The following AHRR variants were observed in gnomAD, a reference collection of about 807,000 sequenced individuals.
The protein encoded by AHRR is aryl hydrocarbon receptor repressor.
In AHRR, 28 loss-of-function variants were observed where a neutral mutation model predicts 44.0. The observed-to-expected ratio is 0.64, with a 90% CI of 0.47 to 0.87. The LOEUF (loss-of-function observed/expected upper bound fraction) is 0.87, where lower values mean the gene tolerates loss of function less well. Ranked by LOEUF, AHRR falls within the 40% of genes least tolerant of loss-of-function variation. The pLI is 0.00. For synonymous variants in AHRR, 434 were observed against 407.0 expected, an observed-to-expected ratio of 1.07 and a Z score of -0.80; for missense variants, 990 against 953.9, an observed-to-expected ratio of 1.04 and a Z score of -0.50.
chr5:415,816 C>T (rs1198822434), intron 5 of AHRR, among the ~76,000 whole-genome samples: 1 of 152,170 alleles, frequency 6.6e-6, no homozygotes, highest in African/African-American at 2.4e-5. Flanking sequence ...TTCACGTCTG[C>T]GCAGGCCCTG....
At chr5:432,658 C>T in intron 9 of AHRR, 134 bp downstream of exon 9, 1 of 1,496,056 alleles carries the variant, frequency 6.7e-7, no homozygotes, top group Non-Finnish European at 9.3e-7. Context: ...TGGTGTCTGT[C>T]CTGCTGTGGA....
intron 4 of AHRR, among the ~76,000 whole-genome samples, chr5:401,007 C>T (rs1245111493): frequency 2.0e-5 from 3 of 152,236 alleles, no homozygotes; most frequent in Admixed American, 6.5e-5. Flanking sequence ...CACACCCCTC[C>T]AGCCCGTGTG....
intron 3 of AHRR, among the ~76,000 whole-genome samples, chr5:372,605 TGGGGTGCGTGATCTCCAGTGGCA>T (rs1161553898): frequency 5.3e-5 from 8 of 152,144 alleles, no homozygotes; most frequent in Non-Finnish European, 8.8e-5. Flanking sequence ...TGCACAGGGC[TGGGGTGCGTGATCTCCAGTGGCA>T]GGGGTGCGTG....
intron 1 of AHRR, among the ~76,000 whole-genome samples, chr5:343,119 T>C (rs1188649523): frequency 6.6e-6 from 1 of 152,056 alleles, no homozygotes; most frequent in East Asian, 1.9e-4. Context: ...GAGATTATGC[T>C]GTTGCCCTGC....
At chr5:399,770 G>A (rs1734932045) in intron 4 of AHRR, among the ~76,000 whole-genome samples, 1 of 152,216 alleles carries the variant, frequency 6.6e-6, no homozygotes, top group African/African-American at 2.4e-5. Context: ...CTGCCTGGGG[G>A]CCGCCATCTG....
intron 2 of AHRR, among the ~76,000 whole-genome samples, chr5:351,189 G>T (rs1742846600): frequency 6.6e-6 from 1 of 152,246 alleles, no homozygotes; most frequent in Non-Finnish European, 1.5e-5. Flanking sequence ...ATGGAAAGCA[G>T]TTTGGTGGTG....
At chr5:401,331 G>T (rs1331492071) in intron 4 of AHRR, among the ~76,000 whole-genome samples, 2 of 152,198 alleles carry the variant, frequency 1.3e-5, no homozygotes, top group Non-Finnish European at 2.9e-5. Flanking sequence ...GATGGGAGCC[G>T]CTGTAGAGAA....
Position 375,426 on chromosome 5 carries a change from A to C in AHRR, c.245-1184A>C, listed in dbSNP as rs190146724. Among the ~76,000 whole-genome samples, 375 of 152,178 alleles carry C rather than the reference A, an allele frequency of 2.5e-3. 1 individual carries two copies. Among genetic ancestry groups the C allele is most frequent in the African/African-American group, 8.6e-3 (359 of 41,538 alleles). The stretch of plus-strand genomic sequence containing the variant: ...GAGGGTGGTGGGGGGCTGCTTTGGA[A>C]AGGGCTGTGTCTCCCTAACCCGCGG... On this transcript the variant is annotated intron_variant, in intron 3 of 10. Coordinates refer to ENST00000684583, the MANE Select transcript of AHRR (RefSeq NM_001377236.1).
At position 386,983 on chromosome 5, in the gene AHRR, C is replaced by T; in HGVS notation, c.351+10267C>T. Among the ~76,000 whole-genome samples, 2 of 152,218 alleles carry T rather than the reference C, an allele frequency of 1.3e-5. 1 individual carries two copies. ...TGTTTTGTCTTAGTCACAGGCAGCC[C>T]AGTAGTGAGGCTCAGCTCGCAGGTT... On this transcript the variant is annotated intron_variant, in intron 4 of 10. Transcript: ENST00000684583.
intron 5 of AHRR, among the ~76,000 whole-genome samples, chr5:416,389 G>A (rs749054653): frequency 6.8e-4 from 104 of 152,350 alleles, no homozygotes; most frequent in African/African-American, 2.4e-3. Flanking sequence ...GGGAGTGCTG[G>A]GAAAAGCCCT....
At chr5:345,273 G>T (rs7380002) in intron 2 of AHRR, among the ~76,000 whole-genome samples, 110 of 16,672 alleles carry the variant, frequency 6.6e-3, no homozygotes, top group Non-Finnish European at 0.016. Context: ...GGGGTGGGTG[G>T]GTGTGTGTGT....
intron 1 of AHRR, among the ~76,000 whole-genome samples, chr5:341,047 CTA>C (rs1264125835): frequency 6.7e-6 from 1 of 149,524 alleles, no homozygotes; most frequent in East Asian, 2.0e-4. Flanking sequence ...CCAAATCTCG[CTA>C]TGTCGCCCAG....
intron 4 of AHRR, among the ~76,000 whole-genome samples, chr5:386,726 A>G (rs1172263185): frequency 2.6e-5 from 4 of 152,210 alleles, no homozygotes; most frequent in Non-Finnish European, 4.4e-5. Context: ...GTGTGTGGTA[A>G]TGTGCTACAG....
rs1743540664 is a variant in AHRR at position 370,580 on chromosome 5, CA to C, written c.245-6029del. Among the ~76,000 whole-genome samples the C allele has an allele frequency of 1.3e-5, 2 of 152,212 alleles. No individual in the cohort carries two copies. The highest frequency in any genetic ancestry group is 4.2e-4 in the South Asian group (2 of 4,816). Reference sequence around the variant, plus strand: ...GTGCAGCCCCAGGCAGGTGGTGGTCCATAGGGGACAGCCCCCAGGAAGATGC... The same window carrying C: ...GTGCAGCCCCAGGCAGGTGGTGGTCCTAGGGGACAGCCCCCAGGAAGATGC... On this transcript the variant is annotated intron_variant, in intron 3 of 10. Coordinates refer to ENST00000684583, the MANE Select transcript of AHRR (RefSeq NM_001377236.1). The surrounding 1 kb of genome is among the most constrained non-coding windows in gnomAD (Gnocchi z 4.5).
chr5:373,603 G>C (rs958603393), intron 3 of AHRR, among the ~76,000 whole-genome samples: 2 of 152,134 alleles, frequency 1.3e-5, no homozygotes, highest in South Asian at 2.1e-4. Flanking sequence ...GCGGAGGGGG[G>C]GTCTCTCTCC....
At chr5:422,575 G>C in intron 5 of AHRR, 154 bp from the exon 6 acceptor site, 1 of 1,013,252 alleles carries the variant, frequency 9.9e-7, no homozygotes, top group Non-Finnish European at 1.5e-6. Flanking sequence ...GTGGGGAACC[G>C]GGGCCAAGCG....
chr5:409,703 A>G lies in AHRR; in HGVS notation c.352-3641A>G, dbSNP rs80287026. Among the ~76,000 whole-genome samples the G allele has an allele frequency of 3.3e-5, 5 of 151,660 alleles. No individual in the cohort carries two copies. In the East Asian group the frequency reaches 9.7e-4, roughly 29 times the overall value. On this transcript the variant is annotated intron_variant, in intron 4 of 10. Coordinates refer to ENST00000684583, the MANE Select transcript of AHRR (RefSeq NM_001377236.1). ...TTGTAGCAGTTCTTACAGATTCTGG[A>G]TAAAGTCCTTTATCAATGTGCTGTG...
In AHRR at chr5:437,930, A is replaced by G. The variant is rs184996418; in HGVS notation, c.*3096A>G. The G allele has an allele frequency of 8.7e-4, 132 of 152,528 alleles. No homozygotes were observed. The highest frequency in any genetic ancestry group is 2.9e-3 in the African/African-American group (122 of 41,596). 9.4% of individuals were successfully genotyped at this position (152,528 alleles called of 1,614,324 possible). On this transcript the variant is annotated 3_prime_UTR_variant, in exon 11 of 11. Transcript: ENST00000684583. Reference sequence around the variant, plus strand: ...TATGGAACATAGAAAGTGTGGATGTATCACTTCTCTCTAAAATGTCATTGT... The same window carrying G: ...TATGGAACATAGAAAGTGTGGATGTGTCACTTCTCTCTAAAATGTCATTGT...
intron 1 of AHRR, among the ~76,000 whole-genome samples, chr5:333,672 C>T (rs1472484334): frequency 6.6e-6 from 1 of 152,110 alleles, no homozygotes; most frequent in Non-Finnish European, 1.5e-5. Context: ...GGTTTGATTC[C>T]TGTTGTATTG....
Sources: allele counts gnomAD v4.1 joint callset (sites outside exome capture counted in the v4.1 genomes callset), GRCh38; gene constraint gnomAD v4.1.1; non-coding constraint Gnocchi (gnomAD v3.1); transcripts MANE v1.5; gene names NCBI Gene and HGNC (gene_info 2026-07-23, HGNC 2026-07-21).